Variants in KCNT1 observed in about 807,000 individuals in gnomAD.
KCNT1 encodes the protein potassium channel subfamily T member 1.
A neutral mutation model predicts 147.8 loss-of-function variants in KCNT1; 78 were observed. The observed-to-expected ratio is 0.53, with a 90% CI of 0.44 to 0.64. The LOEUF (loss-of-function observed/expected upper bound fraction) is 0.64. Among genes scored for constraint, KCNT1 ranks in the 30% least tolerant of loss-of-function variants. The pLI, the probability that KCNT1 is intolerant of heterozygous loss-of-function variation, is 0.00. For synonymous variants in KCNT1, 867 were observed against 748.8 expected, an observed-to-expected ratio of 1.16 and a Z score of -2.58; for missense variants, 1,419 against 1,750.3, an observed-to-expected ratio of 0.81 and a Z score of 3.38.
Position 135,751,052 on chromosome 9 carries a change from TGC to T in KCNT1, c.434+15_434+16del. On this transcript the variant is annotated intron_variant, in intron 4 of 30. Coordinates refer to ENST00000371757, the MANE Select transcript of KCNT1 (RefSeq NM_020822.3). ...CCTGGGCATCGGATGGTGGGCCACG[TGC>T]GCGGCCGGGCGCGGGGTCCCGGGTC... 1.2e-6 allele frequency: 2 copies of T among 1,607,270 alleles called. No homozygotes were observed. The highest frequency in any genetic ancestry group is 1.7e-6 in the Non-Finnish European group (2 of 1,178,690).
Position 135,768,825 on chromosome 9 carries a change from C to T in KCNT1, c.1402-4C>T, listed in dbSNP as rs1293262759. 4.3e-6 allele frequency: 7 copies of T among 1,609,350 alleles called. No homozygotes were observed. Among genetic ancestry groups the T allele is most frequent in the Non-Finnish European group, 8.5e-7 (1 of 1,177,954 alleles). ...CTGCACTGACCAACCACCCACCCCG[C>T]CAGGACCACCAGACCATCCTGCGCG... On this transcript the variant is annotated splice_polypyrimidine_tract_variant and splice_region_variant and intron_variant, in intron 14 of 30. Transcript: ENST00000371757.
chr9:135,787,085 G>T (rs886389259), intron 29 of KCNT1, among the ~76,000 whole-genome samples: 1 of 152,146 alleles, frequency 6.6e-6, no homozygotes, highest in Non-Finnish European at 1.5e-5. Context: ...AGCCAGGGTA[G>T]GGGGGAGACT....
chr9:135,758,050 G>GCGGGGTGCCCTACCCAGGTT (rs1379654126), intron 9 of KCNT1, among the ~76,000 whole-genome samples: 2 of 109,600 alleles, frequency 1.8e-5, no homozygotes, highest in Non-Finnish European at 4.1e-5. Context: ...CTACCCAGGT[G>GCGGGGTGCCCTACCCAGGTT]CAGGCTGCCC....
At chr9:135,790,420 T>G (rs1382124825) in intron 29 of KCNT1, 1 of 152,208 alleles carries the variant, frequency 6.6e-6, no homozygotes, top group East Asian at 1.9e-4. Context: ...GGGGCAGGTG[T>G]CAGGCCGTCC....
At chr9:135,717,444 G>C (rs979139024) in intron 2 of KCNT1, among the ~76,000 whole-genome samples, 1 of 152,148 alleles carries the variant, frequency 6.6e-6, no homozygotes, top group South Asian at 2.1e-4. Flanking sequence ...TCTGGAAGGT[G>C]GGGGGCTGCT....
chr9:135,762,216 G>A (rs1250978870), intron 11 of KCNT1, among the ~76,000 whole-genome samples: 4 of 152,262 alleles, frequency 2.6e-5, no homozygotes, highest in Admixed American at 2.0e-4. Context: ...GGCCAAGGCG[G>A]GAGGATCGCT....
intron 6 of KCNT1, among the ~76,000 whole-genome samples, chr9:135,756,136 G>A (rs907505902): frequency 4.0e-5 from 6 of 150,576 alleles, no homozygotes; most frequent in Non-Finnish European, 8.9e-5. Flanking sequence ...GGCTCAGTAA[G>A]TAGGGAACCC....
At chr9:135,735,544 T>G (rs962610909) in intron 2 of KCNT1, among the ~76,000 whole-genome samples, 1 of 152,026 alleles carries the variant, frequency 6.6e-6, no homozygotes, top group Non-Finnish European at 1.5e-5. Flanking sequence ...GGTGGGGGGA[T>G]TCAGGGTGGG....
chr9:135,722,845 C>G (rs1263662225), intron 2 of KCNT1, among the ~76,000 whole-genome samples: 2 of 152,220 alleles, frequency 1.3e-5, no homozygotes, highest in Non-Finnish European at 2.9e-5. Flanking sequence ...GGCCCTGTCT[C>G]TAAATACCAT....
At chr9:135,715,622 G>A (rs573649015) in intron 2 of KCNT1, among the ~76,000 whole-genome samples, 1 of 141,762 alleles carries the variant, frequency 7.1e-6, no homozygotes, top group Admixed American at 7.2e-5. Context: ...CAGTTATTCC[G>A]GTTAGCACAC....
intron 2 of KCNT1, among the ~76,000 whole-genome samples, chr9:135,726,230 C>G (rs934373618): frequency 2.0e-4 from 31 of 152,188 alleles, no homozygotes; most frequent in African/African-American, 7.5e-4. Context: ...GGTGGATGCT[C>G]CCAGCCCCTC....
At chr9:135,755,269 C>T (rs1216242893) in intron 6 of KCNT1, 100 bp downstream of exon 6, 5 of 946,096 alleles carry the variant, frequency 5.3e-6, no homozygotes, top group Admixed American at 2.6e-5. Flanking sequence ...GCTCGGTGAG[C>T]ACTGAGGACA....
intron 4 of KCNT1, chr9:135,753,655 TCCCGCAGATGTGGGATGTA>T: frequency 1.9e-6 from 1 of 536,768 alleles, no homozygotes; most frequent in Non-Finnish European, 3.3e-6. Flanking sequence ...CTACCCCCAA[TCCCGCAGATGTGGGATGTA>T]CCCTCGCTGT....
intron 28 of KCNT1, chr9:135,785,767 GGT>G (rs1833997101): frequency 2.3e-6 from 1 of 434,580 alleles, no homozygotes; most frequent in Non-Finnish European, 4.2e-6. Context: ...GCCTCCAAAG[GGT>G]GTGTTTGCAA....
Position 135,714,763 on chromosome 9 carries a change from G to GCGC in KCNT1, c.254+50_254+52dup. On this transcript the variant is annotated intron_variant, in intron 2 of 30. Coordinates refer to ENST00000371757, the MANE Select transcript of KCNT1 (RefSeq NM_020822.3). The surrounding 1 kb of genome is among the most constrained non-coding windows in gnomAD (Gnocchi z 6.2). ...GGTGGGGGCTGGGGTCGCCGTCCCG[G>GCGC]CGCCGCCGCACGCCCGGAGCTGTCC... The GCGC allele has an allele frequency of 8.3e-7, 1 of 1,197,964 alleles. No homozygotes were observed. The allele number at this position is 1,197,964 out of a possible 1,614,324, so 74.2% of individuals were successfully genotyped here. A position where few individuals can be genotyped will look rare whatever the true frequency, so the allele number is the denominator to read the frequency against.
Position 135,774,585 on chromosome 9 carries a change from C to T in KCNT1, c.2244-725C>T, listed in dbSNP as rs185612565. 1.1e-3 allele frequency among the ~76,000 whole-genome samples: 163 copies of T among 147,302 alleles called. 5 individuals carry two copies. The East Asian group carries it at 0.027, about 24-fold the overall frequency. On this transcript the variant is annotated intron_variant, in intron 19 of 30. Transcript: ENST00000371757. ...TGTGGTGTGTCTGTGTGTTGTGTGT[C>T]CATGTGTGGTACGTGTTGTGTGTTG... is the stretch of plus-strand genomic sequence containing the variant.
At chr9:135,740,187 C>A (rs1830503891) in intron 2 of KCNT1, among the ~76,000 whole-genome samples, 1 of 152,194 alleles carries the variant, frequency 6.6e-6, no homozygotes, top group African/African-American at 2.4e-5. Context: ...CCAAACATAG[C>A]CACGTGCTGA....
chr9:135,739,380 C>T (rs1370054061), intron 2 of KCNT1, among the ~76,000 whole-genome samples: 3 of 152,064 alleles, frequency 2.0e-5, no homozygotes, highest in East Asian at 1.9e-4. Flanking sequence ...CGCAGAGCCC[C>T]GGCCCCGCCC....
chr9:135,755,335 AGACCCAGGCTCAGTAAGCAGGG>A (rs770604485), intron 6 of KCNT1, among the ~76,000 whole-genome samples, 166 bp downstream of exon 6: 138 of 151,726 alleles, frequency 9.1e-4, no homozygotes, highest in Middle Eastern at 6.8e-3. Flanking sequence ...CACTGAGGAC[AGACCCAGGCTCAGTAAGCAGGG>A]GACCCAGGCT....
Sources: allele counts gnomAD v4.1 joint callset (sites outside exome capture counted in the v4.1 genomes callset), GRCh38; gene constraint gnomAD v4.1.1; non-coding constraint Gnocchi (gnomAD v3.1); transcripts MANE v1.5; gene names NCBI Gene and HGNC (gene_info 2026-07-23, HGNC 2026-07-21).